The following MAGI1 variants were observed in gnomAD, a reference collection of about 807,000 sequenced individuals.
The protein encoded by MAGI1 is membrane-associated guanylate kinase, WW and PDZ domain-containing protein 1.
MAGI1 carries 58 observed loss-of-function variants against 139.9 expected under a neutral mutation model. The observed-to-expected ratio is 0.41, with a 90% CI of 0.34 to 0.52. MAGI1 has a LOEUF of 0.52. Ranked by LOEUF, MAGI1 falls within the 20% of genes least tolerant of loss-of-function variation. MAGI1 has a pLI of 0.12. For missense variants in MAGI1, 1,874 were observed against 1,901.6 expected, an observed-to-expected ratio of 0.99 and a Z score of 0.27; for synonymous variants, 812 against 737.9, an observed-to-expected ratio of 1.10 and a Z score of -1.63.
At chr3:65,921,919 G>GACACACACACACACACACACGAC (rs2062219591) in intron 1 of MAGI1, among the ~76,000 whole-genome samples, 1 of 140,744 alleles carries the variant, frequency 7.1e-6, no homozygotes, top group East Asian at 2.1e-4. Flanking sequence ...CCACACACAC[G>GACACACACACACACACACACGAC]ACACACACAC....
intron 1 of MAGI1, among the ~76,000 whole-genome samples, chr3:65,675,846 T>C (rs569848724): frequency 1.3e-5 from 2 of 152,282 alleles, no homozygotes; most frequent in South Asian, 2.1e-4. Flanking sequence ...GTTCCAATAC[T>C]GGAAAAAAAC....
intron 1 of MAGI1, among the ~76,000 whole-genome samples, chr3:66,036,900 T>G (rs2068953306): frequency 6.6e-6 from 1 of 152,200 alleles, no homozygotes; most frequent in Non-Finnish European, 1.5e-5. Flanking sequence ...GGACAGCCCC[T>G]TGTCTGTACC....
chr3:65,551,352 G>C (rs1217006992), intron 2 of MAGI1, among the ~76,000 whole-genome samples: 1 of 152,154 alleles, frequency 6.6e-6, no homozygotes, highest in Non-Finnish European at 1.5e-5. Flanking sequence ...CCAGGCTGGA[G>C]TGCAGTCGCA....
At chr3:65,834,913 T>C (rs2042725155) in intron 1 of MAGI1, among the ~76,000 whole-genome samples, 1 of 152,226 alleles carries the variant, frequency 6.6e-6, no homozygotes, top group Non-Finnish European at 1.5e-5. Flanking sequence ...TGCTTTCTTT[T>C]GATTGGTGTT....
chr3:65,981,905 A>G (rs2065601556), intron 1 of MAGI1, among the ~76,000 whole-genome samples: 1 of 152,134 alleles, frequency 6.6e-6, no homozygotes, highest in South Asian at 2.1e-4. Context: ...GTATGTCCTT[A>G]TTGGCAGTGT....
chr3:65,658,320 A>G (rs1394659712), intron 1 of MAGI1, among the ~76,000 whole-genome samples: 1 of 152,216 alleles, frequency 6.6e-6, no homozygotes, highest in Non-Finnish European at 1.5e-5. Flanking sequence ...GCAATACATC[A>G]GTACAGGAAC....
intron 1 of MAGI1, among the ~76,000 whole-genome samples, chr3:65,774,903 C>T (rs1461754865): frequency 1.3e-5 from 2 of 152,106 alleles, no homozygotes; most frequent in Non-Finnish European, 2.9e-5. Context: ...AATTACTTAG[C>T]CTTTCTAAGC....
chr3:65,388,556 G>A (rs1943632609), intron 14 of MAGI1, among the ~76,000 whole-genome samples: 1 of 152,098 alleles, frequency 6.6e-6, no homozygotes, highest in South Asian at 2.1e-4. Context: ...TCAAAGACGA[G>A]ATTGATGCAC....
At chr3:65,491,573 G>T (rs1036905256) in intron 3 of MAGI1, among the ~76,000 whole-genome samples, 5 of 152,074 alleles carry the variant, frequency 3.3e-5, no homozygotes, top group African/African-American at 1.2e-4. Context: ...GATTGCAGAT[G>T]AGGACATTTC....
At chr3:65,447,105 C>A (rs1212576237) in intron 7 of MAGI1, among the ~76,000 whole-genome samples, 1 of 152,186 alleles carries the variant, frequency 6.6e-6, no homozygotes, top group Admixed American at 6.5e-5. Flanking sequence ...TCCACTCATA[C>A]TGATGTTAAA....
chr3:65,768,396 C>T (rs1013783635), intron 1 of MAGI1, among the ~76,000 whole-genome samples: 4 of 151,864 alleles, frequency 2.6e-5, no homozygotes, highest in African/African-American at 4.8e-5. Context: ...CTCCAACCTA[C>T]GTGACAGAGC....
At chr3:66,002,736 G>A (rs1444984743) in intron 1 of MAGI1, among the ~76,000 whole-genome samples, 4 of 151,986 alleles carry the variant, frequency 2.6e-5, no homozygotes, top group South Asian at 2.1e-4. Context: ...GGCTGGTCTC[G>A]CACTCCTGAC....
At chr3:65,843,144 T>A (rs2058865376) in intron 1 of MAGI1, among the ~76,000 whole-genome samples, 1 of 152,218 alleles carries the variant, frequency 6.6e-6, no homozygotes, top group Non-Finnish European at 1.5e-5. Flanking sequence ...AAGTGATGGA[T>A]GTCACTTCTA....
intron 2 of MAGI1, among the ~76,000 whole-genome samples, chr3:65,546,153 T>C (rs1187199384): frequency 1.3e-5 from 2 of 152,146 alleles, no homozygotes; most frequent in Non-Finnish European, 2.9e-5. Flanking sequence ...CCACTAACTA[T>C]AGACCCTGTT....
chr3:65,556,553 G>C (rs1384185850), intron 2 of MAGI1, among the ~76,000 whole-genome samples: 1 of 152,106 alleles, frequency 6.6e-6, no homozygotes, highest in East Asian at 1.9e-4. Flanking sequence ...ATTCATCCTG[G>C]ACAACCCTCT....
intron 1 of MAGI1, among the ~76,000 whole-genome samples, chr3:65,896,937 C>T (rs148007862): frequency 5.3e-5 from 8 of 152,134 alleles, no homozygotes; most frequent in East Asian, 3.9e-4. Context: ...CCTCCATATC[C>T]GAGAAAAATT....
At chr3:65,938,758 T>C (rs550024266) in intron 1 of MAGI1, among the ~76,000 whole-genome samples, 1 of 152,324 alleles carries the variant, frequency 6.6e-6, no homozygotes, top group African/African-American at 2.4e-5. Flanking sequence ...TTTATAGTTT[T>C]CCTGAGACTC....
chr3:65,545,673 G>C (rs2079458066), intron 2 of MAGI1, among the ~76,000 whole-genome samples: 1 of 152,018 alleles, frequency 6.6e-6, no homozygotes, highest in Non-Finnish European at 1.5e-5. Context: ...TAAGGTGTCA[G>C]AGGTCCATGA....
intron 2 of MAGI1, among the ~76,000 whole-genome samples, chr3:65,545,014 G>T (rs1039983349): frequency 6.6e-6 from 1 of 152,146 alleles, no homozygotes; most frequent in African/African-American, 2.4e-5. Flanking sequence ...TCTTTGGAAA[G>T]GGGCGGGCTG....
Sources: allele counts gnomAD v4.1 joint callset (sites outside exome capture counted in the v4.1 genomes callset), GRCh38; gene constraint gnomAD v4.1.1; transcripts MANE v1.5; gene names NCBI Gene and HGNC (gene_info 2026-07-23, HGNC 2026-07-21).